The following GALNT17 variants were observed in gnomAD, a reference collection of about 807,000 sequenced individuals.
GALNT17 encodes the protein UDP-GalNAc:polypeptide N-acetylgalactosaminyltransferase-like 3.
A neutral mutation model predicts 63.7 loss-of-function variants in GALNT17; 29 were observed. The ratio of observed to expected loss-of-function variants is 0.46; its 90% confidence interval spans 0.34 to 0.62. The LOEUF is 0.62. Among genes scored for constraint, GALNT17 ranks in the 20% least tolerant of loss-of-function variants. The pLI is 0.01. For missense variants in GALNT17, 603 were observed against 799.6 expected, an observed-to-expected ratio of 0.75 and a Z score of 2.97; for synonymous variants, 305 against 318.3, an observed-to-expected ratio of 0.96 and a Z score of 0.45.
intron 5 of GALNT17, among the ~76,000 whole-genome samples, chr7:71,533,563 A>C (rs1035554365): frequency 2.0e-5 from 3 of 152,178 alleles, no homozygotes; most frequent in African/African-American, 7.2e-5. Context: ...TGCACAGATC[A>C]CAAGTATGCT....
In GALNT17 at chr7:71,132,787, C is replaced by T; in HGVS notation, c.-16C>T. 6.3e-7 allele frequency: 1 copy of T among 1,579,074 alleles called. No individual in the cohort carries two copies. The highest frequency in any genetic ancestry group is 1.4e-5 in the African/African-American group (1 of 73,830). ...AGGGGGCGCAGGTCCGGGGCGAGGG[C>T]CGGCCGGGCTGTTTGATGGCTTCAC... is the stretch of plus-strand genomic sequence containing the variant. On this transcript the variant is annotated 5_prime_UTR_variant, in exon 1 of 11. Transcript: ENST00000333538.
intron 5 of GALNT17, among the ~76,000 whole-genome samples, chr7:71,519,604 C>T (rs1259161104): frequency 6.6e-6 from 1 of 152,152 alleles, no homozygotes; most frequent in Admixed American, 6.5e-5. Flanking sequence ...GCTGAGACTA[C>T]AGGTGTGCAC....
intron 9 of GALNT17, among the ~76,000 whole-genome samples, chr7:71,700,707 A>G (rs935807700): frequency 3.9e-5 from 6 of 152,156 alleles, no homozygotes; most frequent in African/African-American, 9.7e-5. Flanking sequence ...GGCTGACTCC[A>G]TCAGGGCTTG....
intron 5 of GALNT17, among the ~76,000 whole-genome samples, chr7:71,449,165 T>C (rs537848953): frequency 1.9e-3 from 235 of 123,024 alleles, no homozygotes; most frequent in African/African-American, 7.0e-3. Context: ...CAGGCTGGAG[T>C]GCAGTGGCGC....
At chr7:71,529,011 T>C (rs1046335663) in intron 5 of GALNT17, among the ~76,000 whole-genome samples, 7 of 152,044 alleles carry the variant, frequency 4.6e-5, no homozygotes, top group Admixed American at 2.6e-4. Context: ...GGCGAGTGCC[T>C]GTAGACCCAG....
chr7:71,261,032 G>A (rs1172221128), intron 1 of GALNT17, among the ~76,000 whole-genome samples: 1 of 152,182 alleles, frequency 6.6e-6, no homozygotes, highest in Non-Finnish European at 1.5e-5. Flanking sequence ...AGCTGACTTC[G>A]CAGTGCAGGG....
At chr7:71,185,933 A>G (rs543376737) in intron 1 of GALNT17, among the ~76,000 whole-genome samples, 12 of 152,354 alleles carry the variant, frequency 7.9e-5, no homozygotes, top group Non-Finnish European at 1.3e-4. Flanking sequence ...TGTCTCACAC[A>G]ACACTCAGGA....
chr7:71,663,998 C>T (rs1384728938), intron 6 of GALNT17, among the ~76,000 whole-genome samples: 9 of 148,856 alleles, frequency 6.0e-5, no homozygotes, highest in Non-Finnish European at 1.2e-4. Flanking sequence ...TACTAGGAAC[C>T]TCATTTCCAT....
At chr7:71,335,411 C>G in intron 1 of GALNT17, 139 bp from the exon 2 acceptor site, 1 of 852,610 alleles carries the variant, frequency 1.2e-6, no homozygotes, top group Non-Finnish European at 1.7e-6. Flanking sequence ...GGGCCTATAC[C>G]TGAGTTGGAT....
chr7:71,539,405 T>C (rs1259428567), intron 5 of GALNT17, among the ~76,000 whole-genome samples: 1 of 152,130 alleles, frequency 6.6e-6, no homozygotes, highest in Non-Finnish European at 1.5e-5. Context: ...TTATATAAGC[T>C]CAAAACCCCT....
intron 9 of GALNT17, among the ~76,000 whole-genome samples, chr7:71,701,812 TATACAC>T (rs1195092847): frequency 0.35 from 7,089 of 20,490 alleles, 771 homozygotes; most frequent in African/African-American, 0.42. Flanking sequence ...TGTATATATA[TATACAC>T]ATATATATAC....
Position 71,224,502 on chromosome 7 carries a change from A to G in GALNT17, c.238+91462A>G, listed in dbSNP as rs151111288. Among the ~76,000 whole-genome samples the G allele has an allele frequency of 6.7e-3, 1,017 of 152,346 alleles. 11 individuals carry two copies. Among genetic ancestry groups the G allele is most frequent in the African/African-American group, 0.023 (962 of 41,576 alleles). Reference sequence around the variant, plus strand: ...TTCCAGTTCTCATCCTTCCAAGAACAGTAACCTGAATTTACTTCCCATCCT... The same window carrying G: ...TTCCAGTTCTCATCCTTCCAAGAACGGTAACCTGAATTTACTTCCCATCCT... On this transcript the variant is annotated intron_variant, in intron 1 of 10. Transcript: ENST00000333538.
chr7:71,304,968 T>G (rs1025352150), intron 1 of GALNT17, among the ~76,000 whole-genome samples: 3 of 152,126 alleles, frequency 2.0e-5, no homozygotes, highest in Non-Finnish European at 4.4e-5. Flanking sequence ...CTGGCCTCCG[T>G]GATTCACCTG....
intron 1 of GALNT17, among the ~76,000 whole-genome samples, chr7:71,168,705 ATGTGTGTGTG>A (rs10536926): frequency 6.7e-5 from 10 of 149,160 alleles, no homozygotes; most frequent in South Asian, 2.1e-4. Flanking sequence ...AGTTACGTGT[ATGTGTGTGTG>A]TGTGTGTGTG....
At chr7:71,544,051 C>A (rs7793591) in intron 5 of GALNT17, among the ~76,000 whole-genome samples, 18 of 151,912 alleles carry the variant, frequency 1.2e-4, no homozygotes, top group Admixed American at 5.9e-4. Context: ...CCTCAGCCCC[C>A]CAAAGGGCCA....
intron 1 of GALNT17, among the ~76,000 whole-genome samples, chr7:71,237,699 CAAACAAGT>C (rs1430728709): frequency 2.6e-5 from 4 of 152,074 alleles, no homozygotes; most frequent in African/African-American, 7.2e-5. Flanking sequence ...ACCAAACAAA[CAAACAAGT>C]AAACGGAAAA....
chr7:71,482,798 A>G (rs906790922), intron 5 of GALNT17, among the ~76,000 whole-genome samples: 1 of 152,084 alleles, frequency 6.6e-6, no homozygotes, highest in African/African-American at 2.4e-5. Flanking sequence ...AGGTGTCAGG[A>G]TGAAACTGTT....
chr7:71,259,211 A>G (rs184006991), intron 1 of GALNT17, among the ~76,000 whole-genome samples: 48 of 152,290 alleles, frequency 3.2e-4, no homozygotes, highest in Admixed American at 3.0e-3. Context: ...GAAATGTCAA[A>G]GGCTTGGATC....
intron 8 of GALNT17, among the ~76,000 whole-genome samples, chr7:71,675,440 TA>T (rs1381215281): frequency 6.6e-6 from 1 of 152,130 alleles, no homozygotes; most frequent in Non-Finnish European, 1.5e-5. Flanking sequence ...AATATTCTGT[TA>T]AAACATTCAT....
Sources: allele counts gnomAD v4.1 joint callset (sites outside exome capture counted in the v4.1 genomes callset), GRCh38; gene constraint gnomAD v4.1.1; transcripts MANE v1.5; gene names NCBI Gene and HGNC (gene_info 2026-07-23, HGNC 2026-07-21).